Variants in GFRA2 observed in about 807,000 individuals in gnomAD.
The protein encoded by GFRA2 is GDNF family receptor alpha-2.
Under a neutral mutation model 48.3 loss-of-function variants are expected in GFRA2, and 17 were observed. The ratio of observed to expected loss-of-function variants is 0.35; its 90% CI spans 0.24 to 0.53. The LOEUF is 0.53. Ranked by LOEUF, GFRA2 falls within the 20% of genes least tolerant of loss-of-function variation. The probability of loss-of-function intolerance (pLI) is 0.93; values close to 1 mark genes in which losing one functional copy is unlikely to be tolerated. For missense variants in GFRA2, 660 were observed against 637.3 expected (o/e 1.04, Z -0.38); for synonymous variants, 305 against 257.2 (o/e 1.19, Z -1.78).
At chr8:21,810,540 G>A (rs189592675) in intron 1 of GFRA2, among the ~76,000 whole-genome samples, 398 of 152,298 alleles carry the variant, frequency 2.6e-3, no homozygotes, top group African/African-American at 9.1e-3. Flanking sequence ...GAAATGACAG[G>A]TCCTGGCTGG....
At chr8:21,693,854 A>G (rs1412574884) in intron 8 of GFRA2, among the ~76,000 whole-genome samples, 2 of 151,500 alleles carry the variant, frequency 1.3e-5, no homozygotes, top group Admixed American at 6.6e-5. Flanking sequence ...CTGTTTCTCA[A>G]TTTCTTCCAA....
chr8:21,805,484 T>C, intron 1 of GFRA2, among the ~76,000 whole-genome samples: 1 of 152,198 alleles, frequency 6.6e-6, no homozygotes, highest in African/African-American at 2.4e-5. Flanking sequence ...TATGTTACAG[T>C]GGCTTGGGGA....
chr8:21,757,665 A>AT (rs560084055), intron 3 of GFRA2, among the ~76,000 whole-genome samples: 108 of 151,416 alleles, frequency 7.1e-4, no homozygotes, highest in Middle Eastern at 3.4e-3. Flanking sequence ...TCAGCTAATT[A>AT]TTTTTTGTAT....
intron 3 of GFRA2, among the ~76,000 whole-genome samples, chr8:21,757,895 A>G (rs1382022413): frequency 6.6e-6 from 1 of 152,218 alleles, no homozygotes; most frequent in Non-Finnish European, 1.5e-5. Flanking sequence ...ATCCTAAATG[A>G]TAACACCTAT....
At chr8:21,747,182 G>A (rs1038909973) in intron 4 of GFRA2, among the ~76,000 whole-genome samples, 4 of 152,200 alleles carry the variant, frequency 2.6e-5, no homozygotes, top group Non-Finnish European at 4.4e-5. Context: ...ACGCAGCTGT[G>A]TAGGATGCAG....
intron 1 of GFRA2, among the ~76,000 whole-genome samples, chr8:21,811,184 C>CTA (rs1807973790): frequency 6.6e-6 from 1 of 152,176 alleles, no homozygotes; most frequent in Non-Finnish European, 1.5e-5. Flanking sequence ...TGTGGAGGCC[C>CTA]AGCCAGCAGC....
rs945453351 is a variant in GFRA2 at position 21,704,981 on chromosome 8, T to C, written c.1045+4A>G. ...TGGGGTTGGGGAGAACATCCAGAAC[T>C]TACGGAGGCATGGGTTCTCGGTGAA... On this transcript the variant is annotated splice_donor_region_variant and intron_variant, in intron 6 of 8. Transcript: ENST00000524240. 2.5e-6 allele frequency: 4 copies of C among 1,607,750 alleles called. No individual in the cohort carries two copies. Among genetic ancestry groups the C allele is most frequent in the Non-Finnish European group, 3.4e-6 (4 of 1,177,470 alleles).
At chr8:21,728,212 G>C (rs1055221060) in intron 4 of GFRA2, among the ~76,000 whole-genome samples, 3 of 149,068 alleles carry the variant, frequency 2.0e-5, no homozygotes, top group Admixed American at 6.7e-5. Context: ...GGACACACTG[G>C]ATTCCTGGGC....
chr8:21,808,026 G>C (rs775246108), intron 1 of GFRA2, among the ~76,000 whole-genome samples: 26 of 152,218 alleles, frequency 1.7e-4, no homozygotes, highest in Non-Finnish European at 2.9e-4. Context: ...ATGAGGTAGT[G>C]TGTGTCAGGG....
At chr8:21,693,511 G>A (rs921915600) in intron 8 of GFRA2, 111 bp from the exon 9 acceptor site, 1 of 987,108 alleles carries the variant, frequency 1.0e-6, no homozygotes, top group Non-Finnish European at 1.5e-6. Flanking sequence ...GACACCTCAA[G>A]CCCCTGTCCT....
At chr8:21,752,205 C>T (rs1805326788) in intron 3 of GFRA2, among the ~76,000 whole-genome samples, 1 of 152,148 alleles carries the variant, frequency 6.6e-6, no homozygotes. Flanking sequence ...CGTGACCACA[C>T]ACCCCTCTTA....
At chr8:21,744,836 T>C (rs1245878578) in intron 4 of GFRA2, among the ~76,000 whole-genome samples, 1 of 152,134 alleles carries the variant, frequency 6.6e-6, no homozygotes, top group Non-Finnish European at 1.5e-5. Context: ...TCGTGCGATA[T>C]GAACCAGACA....
At chr8:21,809,470 G>A (rs1052978771) in intron 1 of GFRA2, among the ~76,000 whole-genome samples, 32 of 147,396 alleles carry the variant, frequency 2.2e-4, no homozygotes, top group African/African-American at 6.3e-4. Flanking sequence ...GACTACAGGC[G>A]CCCGCCACCA....
chr8:21,768,004 C>G (rs1475491413), intron 3 of GFRA2, among the ~76,000 whole-genome samples: 1 of 152,158 alleles, frequency 6.6e-6, no homozygotes, highest in African/African-American at 2.4e-5. Context: ...GGGAAAATGT[C>G]GATCCCTCCA....
intron 2 of GFRA2, chr8:21,797,853 C>G (rs1216850269): frequency 6.6e-6 from 1 of 152,182 alleles, no homozygotes; most frequent in East Asian, 1.9e-4. Context: ...CTGGAAGTCC[C>G]TCAGACTGCA....
chr8:21,745,752 G>A (rs1478183662), intron 4 of GFRA2, among the ~76,000 whole-genome samples: 1 of 152,256 alleles, frequency 6.6e-6, no homozygotes, highest in Non-Finnish European at 1.5e-5. Flanking sequence ...TGTGGATTCT[G>A]GGGACAGTGA....
intron 4 of GFRA2, among the ~76,000 whole-genome samples, chr8:21,708,527 C>T (rs1311482470): frequency 6.6e-6 from 1 of 152,124 alleles, no homozygotes; most frequent in African/African-American, 2.4e-5. Flanking sequence ...AAAAAAGTTG[C>T]AGTTTTAATC....
intron 3 of GFRA2, among the ~76,000 whole-genome samples, chr8:21,760,857 A>T (rs186119381): frequency 2.0e-5 from 3 of 152,274 alleles, no homozygotes; most frequent in Admixed American, 1.3e-4. Context: ...CTGGTGGAAA[A>T]ATCAAGAGAT....
intron 3 of GFRA2, among the ~76,000 whole-genome samples, chr8:21,764,893 G>C (rs145069578): frequency 6.6e-6 from 1 of 152,126 alleles, no homozygotes; most frequent in African/African-American, 2.4e-5. Context: ...ATTTCTGGTT[G>C]CTGATTTTAC....
Sources: gnomAD v4.1 joint callset for allele counts (sites outside exome capture counted in the v4.1 genomes callset) on GRCh38, gnomAD v4.1.1 for gene constraint, MANE v1.5 for transcripts, NCBI Gene and HGNC (gene_info 2026-07-23, HGNC 2026-07-21) for gene names.